Variants in NCOR2 observed in about 807,000 individuals in gnomAD.
NCOR2 encodes the protein CTG repeat protein 26.
Under a neutral mutation model 262.9 loss-of-function variants are expected in NCOR2, and 81 were observed. The observed-to-expected ratio is 0.31, with a 90% CI of 0.26 to 0.37. The LOEUF (loss-of-function observed/expected upper bound fraction) is 0.37. Ranked by LOEUF, NCOR2 falls within the 10% of genes least tolerant of loss-of-function variation. The pLI is 1.00. For synonymous variants in NCOR2, 1,659 were observed against 1,559.3 expected, an observed-to-expected ratio of 1.06 and a Z score of -1.51; for missense variants, 3,385 against 3,621.4, an observed-to-expected ratio of 0.93 and a Z score of 1.68.
chr12:124,399,445 C>A (rs755444020), intron 15 of NCOR2, among the ~76,000 whole-genome samples: 9 of 152,150 alleles, frequency 5.9e-5, no homozygotes, highest in Non-Finnish European at 1.2e-4. Flanking sequence ...CACCCTGGGC[C>A]TCCAAGTACA....
At chr12:124,412,367 G>A (rs2042630038) in intron 13 of NCOR2, among the ~76,000 whole-genome samples, 1 of 152,244 alleles carries the variant, frequency 6.6e-6, no homozygotes, top group Admixed American at 6.5e-5. Flanking sequence ...TGGCACTGGC[G>A]TCTTGCTGCT....
At chr12:124,436,167 G>C (rs1197985344) in intron 8 of NCOR2, among the ~76,000 whole-genome samples, 1 of 152,216 alleles carries the variant, frequency 6.6e-6, no homozygotes, top group African/African-American at 2.4e-5. Flanking sequence ...CACTGGATCA[G>C]CTAACACCCT....
At chr12:124,338,619 C>T (rs751250949) in intron 37 of NCOR2, among the ~76,000 whole-genome samples, 1 of 151,902 alleles carries the variant, frequency 6.6e-6, no homozygotes, top group Non-Finnish European at 1.5e-5. Flanking sequence ...CCAGAGGGCA[C>T]TCAGGGGCCT....
Position 124,340,552 on chromosome 12 carries a change from G to A in NCOR2, c.5338+50C>T, listed in dbSNP as rs187557600. 2.6e-5 allele frequency: 39 copies of A among 1,524,720 alleles called. No homozygotes were observed. Among genetic ancestry groups the A allele is most frequent in the South Asian group, 1.4e-4 (11 of 78,856 alleles). 94.4% of individuals were successfully genotyped at this position (1,524,720 alleles called of 1,614,324 possible). A position where few individuals can be genotyped will look rare whatever the true frequency, so the allele number is the denominator to read the frequency against. ...GCTTCTGCCCGCCCATCCCCCAGCC[G>A]CCTCCCATGGATGCCGGGGTCCCCA... On this transcript the variant is annotated intron_variant, in intron 35 of 46. Coordinates refer to ENST00000405201, the Ensembl canonical transcript of NCOR2.
chr12:124,518,923 C>G lies in NCOR2; in HGVS notation c.-118+16642G>C, dbSNP rs556036959. ...CCCAGGCCTCGGCCCATCCCTCCCC[C>G]GTCCTCTGTCCCGAGGGCCAGATGG... On this transcript the variant is annotated intron_variant, in intron 1 of 46. Coordinates refer to the NCOR2 transcript ENST00000404621. 1.4e-4 allele frequency among the ~76,000 whole-genome samples: 22 copies of G among 152,316 alleles called. No individual in the cohort carries two copies. The East Asian group carries it at 3.9e-3, about 27-fold the overall frequency.
chr12:124,493,281 A>G (rs1157193361), intron 1 of NCOR2, among the ~76,000 whole-genome samples: 1 of 152,126 alleles, frequency 6.6e-6, no homozygotes, highest in Non-Finnish European at 1.5e-5. Context: ...GAACCTCCAC[A>G]GGACAGGACA....
chr12:124,477,338 G>A (rs2047157333), intron 3 of NCOR2, among the ~76,000 whole-genome samples: 1 of 152,186 alleles, frequency 6.6e-6, no homozygotes, highest in Admixed American at 6.5e-5. Flanking sequence ...AGAAGGACGT[G>A]TTTGCTTCCC....
exon 32 of NCOR2, chr12:124,344,867 G>T: frequency 6.3e-7 from 1 of 1,576,094 alleles, no homozygotes. Context: ...GGGAACGTCC[G>T]GCCGGGGCTG....
chr12:124,344,496 C>T (rs1230031162), intron 32 of NCOR2, 101 bp downstream of exon 34: 7 of 1,123,960 alleles, frequency 6.2e-6, no homozygotes, highest in East Asian at 5.5e-5. Flanking sequence ...AAGCGGGTGG[C>T]GAGGATATCC....
chr12:124,471,388 GC>G (rs2046827318), intron 4 of NCOR2, among the ~76,000 whole-genome samples: 2 of 152,130 alleles, frequency 1.3e-5, no homozygotes, highest in Non-Finnish European at 2.9e-5. Flanking sequence ...GCTCCCTGGG[GC>G]CCAGACAGTG....
chr12:124,363,653 G>C, intron 21 of NCOR2, 26 bp downstream of exon 23: 1 of 1,354,198 alleles, frequency 7.4e-7, no homozygotes, highest in South Asian at 2.2e-5. Flanking sequence ...GGTGGACTCT[G>C]TGGGGCTCTG....
At chr12:124,333,377 G>A (rs2035396680) in intron 41 of NCOR2, 98 bp from the exon 44 acceptor site, 2 of 1,151,928 alleles carry the variant, frequency 1.7e-6, no homozygotes, top group South Asian at 5.8e-5. Flanking sequence ...CGCTTTTCCT[G>A]TACGTGGCCA....
intron 1 of NCOR2, among the ~76,000 whole-genome samples, chr12:124,525,202 T>C (rs2050399436): frequency 1.3e-5 from 2 of 152,274 alleles, no homozygotes; most frequent in South Asian, 4.1e-4. Flanking sequence ...TCAGCATGCC[T>C]GAAACATGGT....
At chr12:124,468,375 A>T (rs1158928294) in intron 4 of NCOR2, among the ~76,000 whole-genome samples, 1 of 32,464 alleles carries the variant, frequency 3.1e-5, no homozygotes. Flanking sequence ...CATCACCCCC[A>T]TCATCCTCAT....
chr12:124,345,616 G>A (rs1566373211), intron 31 of NCOR2, among the ~76,000 whole-genome samples: 2 of 152,236 alleles, frequency 1.3e-5, no homozygotes, highest in Non-Finnish European at 2.9e-5. Context: ...TCGTAAGAAG[G>A]GGAACTGCCC....
At chr12:124,396,213 T>C (rs1480274485) in intron 16 of NCOR2, among the ~76,000 whole-genome samples, 1 of 151,916 alleles carries the variant, frequency 6.6e-6, no homozygotes, top group East Asian at 1.9e-4. Flanking sequence ...CTAATGGGTA[T>C]GGGATTTCCA....
chr12:124,464,164 G>T (rs76268939), intron 5 of NCOR2, among the ~76,000 whole-genome samples: 1 of 151,688 alleles, frequency 6.6e-6, no homozygotes, highest in Non-Finnish European at 1.5e-5. Flanking sequence ...CTGAAAAAAG[G>T]GTTTTCAGTA....
rs1182342389 is a variant in NCOR2, at chr12:124,517,048, GC to G, written c.-118+18516del. ...ACCAGGACAGGAACCCAGGCAGTCT[GC>G]CCCGCGTTCCCCCTAAAACTGCAGC... On this transcript the variant is annotated intron_variant, in intron 1 of 46. Transcript: ENST00000404621. This position sits in a 1 kb window ranked among gnomAD's most constrained non-coding sequence, Gnocchi z 7.6. 2.0e-5 allele frequency among the ~76,000 whole-genome samples: 3 copies of G among 152,122 alleles called. No homozygotes were observed. Among genetic ancestry groups the G allele is most frequent in the Non-Finnish European group, 4.4e-5 (3 of 68,018 alleles).
rs547884575 is a variant in NCOR2, at chr12:124,460,133, G to A, written c.706-2971C>T. On this transcript the variant is annotated intron_variant, in intron 5 of 46. Coordinates refer to ENST00000405201, the Ensembl canonical transcript of NCOR2. ...CATGCGGTCAGGGATAAGGGTCTGC[G>A]TCCCACTGTTTATCTTACTGGCCAC... Among the ~76,000 whole-genome samples the A allele has an allele frequency of 5.3e-5, 8 of 152,304 alleles. No individual in the cohort carries two copies. The South Asian group carries it at 8.3e-4, about 16-fold the overall frequency.
Sources: allele counts gnomAD v4.1 joint callset (sites outside exome capture counted in the v4.1 genomes callset), GRCh38; gene constraint gnomAD v4.1.1; non-coding constraint Gnocchi (gnomAD v3.1); transcripts MANE v1.5; gene names NCBI Gene and HGNC (gene_info 2026-07-23, HGNC 2026-07-21).